The following SGCZ variants were observed in gnomAD, a reference collection of about 807,000 sequenced individuals.
SGCZ encodes the protein sarcoglycan zeta, also known as zeta-sarcoglycan.
Under a neutral mutation model 41.3 loss-of-function variants are expected in SGCZ, and 40 were observed. The ratio of observed to expected loss-of-function variants is 0.97; its 90% CI spans 0.75 to 1.26. The LOEUF is 1.26. Among genes scored for constraint, SGCZ ranks in the 50% most tolerant of loss-of-function variants. The pLI is 0.00. For synonymous variants in SGCZ, 206 were observed against 137.5 expected, an observed-to-expected ratio of 1.50 and a Z score of -3.49; for missense variants, 552 against 369.8, an observed-to-expected ratio of 1.49 and a Z score of -4.04.
At chr8:14,644,151 A>G (rs958072429) in intron 1 of SGCZ, among the ~76,000 whole-genome samples, 3 of 151,750 alleles carry the variant, frequency 2.0e-5, no homozygotes, top group African/African-American at 7.3e-5. Context: ...TGGCTAGGCT[A>G]TGGTGCCCAG....
At chr8:15,169,097 C>T (rs535477075) in intron 1 of SGCZ, among the ~76,000 whole-genome samples, 48 of 152,336 alleles carry the variant, frequency 3.2e-4, no homozygotes, top group Non-Finnish European at 3.4e-4. Context: ...GCAACCATAG[C>T]CTCTAACAAT....
intron 5 of SGCZ, among the ~76,000 whole-genome samples, chr8:14,157,833 A>T (rs772518242): frequency 2.9e-4 from 44 of 152,260 alleles, no homozygotes; most frequent in Admixed American, 4.6e-4. Flanking sequence ...CTCACAGAAC[A>T]CTGAAGACAT....
chr8:15,011,369 C>T (rs568134523), intron 1 of SGCZ, among the ~76,000 whole-genome samples: 10 of 152,166 alleles, frequency 6.6e-5, no homozygotes, highest in East Asian at 3.9e-4. Flanking sequence ...AGCATCCTCA[C>T]GGTTTTGTTT....
rs1004992691 is a variant in SGCZ, at chr8:14,087,074, T to C, written c.*3369A>G. Among the ~76,000 whole-genome samples the C allele has an allele frequency of 1.1e-4, 16 of 151,798 alleles. No homozygotes were observed. The highest frequency in any genetic ancestry group is 3.9e-4 in the African/African-American group (16 of 41,508). Reference sequence around the variant, plus strand: ...CCATTTTCCGAGATTTGAAGTACTGTAATCTAAGATTCCTAAGTTACAGTA... The same window carrying C: ...CCATTTTCCGAGATTTGAAGTACTGCAATCTAAGATTCCTAAGTTACAGTA... On this transcript the variant is annotated 3_prime_UTR_variant, in exon 8 of 8. Transcript: ENST00000382080.
chr8:14,180,633 C>G (rs1172527847), intron 4 of SGCZ, among the ~76,000 whole-genome samples: 8 of 152,072 alleles, frequency 5.3e-5, no homozygotes, highest in Admixed American at 5.2e-4. Flanking sequence ...GACTAAGAAT[C>G]TCCCTAAAGG....
chr8:14,753,645 T>C (rs1044445945), intron 1 of SGCZ, among the ~76,000 whole-genome samples: 1 of 152,214 alleles, frequency 6.6e-6, no homozygotes, highest in Admixed American at 6.5e-5. Flanking sequence ...AATATCATAT[T>C]GAGTTGCAGT....
At chr8:14,991,695 T>C (rs1053942062) in intron 1 of SGCZ, among the ~76,000 whole-genome samples, 1 of 151,736 alleles carries the variant, frequency 6.6e-6, no homozygotes, top group African/African-American at 2.4e-5. Flanking sequence ...CCCATCCTCC[T>C]CATCCAACCT....
chr8:14,697,532 C>T (rs559394889), intron 1 of SGCZ, among the ~76,000 whole-genome samples: 2 of 152,124 alleles, frequency 1.3e-5, no homozygotes, highest in Admixed American at 6.6e-5. Flanking sequence ...AGTGTATAAA[C>T]TTGTTCTGCT....
At chr8:14,583,714 A>G (rs1804969699) in intron 1 of SGCZ, among the ~76,000 whole-genome samples, 1 of 152,132 alleles carries the variant, frequency 6.6e-6, no homozygotes, top group African/African-American at 2.4e-5. Context: ...TCTTCTGTGA[A>G]TAATTTGTCT....
intron 1 of SGCZ, among the ~76,000 whole-genome samples, chr8:14,748,313 C>CTT (rs1055374998): frequency 1.3e-5 from 2 of 152,112 alleles, no homozygotes; most frequent in Non-Finnish European, 2.9e-5. Context: ...AATGCCCATG[C>CTT]TTTTAACTAT....
chr8:15,001,814 G>A (rs187688881), intron 1 of SGCZ, among the ~76,000 whole-genome samples: 7 of 151,426 alleles, frequency 4.6e-5, no homozygotes, highest in African/African-American at 1.7e-4. Flanking sequence ...TGAAATGCAT[G>A]CCATTATTAT....
At chr8:14,842,871 G>T (rs1477305696) in intron 1 of SGCZ, among the ~76,000 whole-genome samples, 2 of 152,164 alleles carry the variant, frequency 1.3e-5, no homozygotes, top group African/African-American at 4.8e-5. Flanking sequence ...ACTGAAATTT[G>T]TCTGGAGCCA....
At position 15,008,227 on chromosome 8, in the gene SGCZ, T is replaced by A. The variant is rs1012419527; in HGVS notation, c.39+229358A>T. Among the ~76,000 whole-genome samples, 3 of 152,244 alleles carry A rather than the reference T, an allele frequency of 2.0e-5. No individual in the cohort carries two copies. The East Asian group carries it at 5.8e-4, about 30-fold the overall frequency. On this transcript the variant is annotated intron_variant, in intron 1 of 7. Coordinates refer to ENST00000382080, the MANE Select transcript of SGCZ (RefSeq NM_139167.4). ...TCTTGGATTTGCTATTAACCTTATT[T>A]TATCTACTCTGGAAATCCCTCATTA...
chr8:14,627,612 C>A (rs1585136539), intron 1 of SGCZ, among the ~76,000 whole-genome samples: 1 of 152,050 alleles, frequency 6.6e-6, no homozygotes, highest in East Asian at 1.9e-4. Context: ...TATGGTTATT[C>A]CTAATTTTAG....
At chr8:14,947,913 G>A (rs1800506574) in intron 1 of SGCZ, among the ~76,000 whole-genome samples, 1 of 152,146 alleles carries the variant, frequency 6.6e-6, no homozygotes, top group Non-Finnish European at 1.5e-5. Flanking sequence ...ATCTGATGAT[G>A]TGAGTTGATC....
At chr8:14,424,527 T>G (rs753388487) in intron 2 of SGCZ, among the ~76,000 whole-genome samples, 1 of 152,212 alleles carries the variant, frequency 6.6e-6, no homozygotes, top group African/African-American at 2.4e-5. Context: ...TATGTGTGTG[T>G]GTATATATCC....
At chr8:14,718,993 T>G (rs1196116177) in intron 1 of SGCZ, among the ~76,000 whole-genome samples, 3 of 109,118 alleles carry the variant, frequency 2.7e-5, no homozygotes, top group Non-Finnish European at 3.7e-5. Context: ...TCCAAAGCTA[T>G]CCCTCCCCCC....
chr8:15,029,116 TG>T (rs1349123759), intron 1 of SGCZ, among the ~76,000 whole-genome samples: 4 of 152,082 alleles, frequency 2.6e-5, no homozygotes, highest in African/African-American at 9.7e-5. Flanking sequence ...AATCTTGATT[TG>T]TAGCTAGATA....
intron 1 of SGCZ, among the ~76,000 whole-genome samples, chr8:14,854,021 T>TTATATATATATATATA (rs10604213): frequency 4.2e-4 from 45 of 107,664 alleles, no homozygotes; most frequent in South Asian, 1.0e-3. Context: ...TGTGATTATA[T>TTATATATATATATATA]TATATATATA....
Sources: allele counts gnomAD v4.1 joint callset (sites outside exome capture counted in the v4.1 genomes callset), GRCh38; gene constraint gnomAD v4.1.1; transcripts MANE v1.5; gene names NCBI Gene and HGNC (gene_info 2026-07-23, HGNC 2026-07-21).